The following COL9A1 variants were observed in gnomAD, a reference collection of about 807,000 sequenced individuals.
The protein encoded by COL9A1 is collagen type IX alpha 1 chain, also known as collagen alpha-1(IX) chain.
COL9A1 carries 104 observed loss-of-function variants against 142.6 expected under a neutral mutation model. That is an observed-to-expected ratio of 0.73 (90% CI 0.62 to 0.86). COL9A1 has a LOEUF of 0.86. Ranked by LOEUF, COL9A1 falls within the 40% of genes least tolerant of loss-of-function variation. The pLI is 0.00. For missense variants in COL9A1, 1,210 were observed against 1,176.6 expected (o/e 1.03, Z -0.42); for synonymous variants, 466 against 396.0 (o/e 1.18, Z -2.10).
intron 33 of COL9A1, among the ~76,000 whole-genome samples, chr6:70,236,919 T>G (rs1769946754): frequency 6.6e-6 from 1 of 152,120 alleles, no homozygotes; most frequent in Non-Finnish European, 1.5e-5. Context: ...CCTCCCAGGT[T>G]CAAGCGATTC....
chr6:70,222,290 C>A (rs1768931520), intron 37 of COL9A1, among the ~76,000 whole-genome samples: 1 of 152,132 alleles, frequency 6.6e-6, no homozygotes, highest in Non-Finnish European at 1.5e-5. Context: ...TGCATATATG[C>A]TCTAAATACA....
At chr6:70,235,988 C>T (rs1384231804) in intron 33 of COL9A1, among the ~76,000 whole-genome samples, 1 of 151,652 alleles carries the variant, frequency 6.6e-6, no homozygotes, top group Non-Finnish European at 1.5e-5. Flanking sequence ...TGGTGGATGC[C>T]TGTAGTCCCA....
At chr6:70,221,835 G>C (rs890837473) in intron 37 of COL9A1, among the ~76,000 whole-genome samples, 2 of 152,190 alleles carry the variant, frequency 1.3e-5, no homozygotes, top group African/African-American at 4.8e-5. Context: ...GCAGCAGAGA[G>C]AGTCTTTGAG....
intron 4 of COL9A1, among the ~76,000 whole-genome samples, chr6:70,295,081 A>G (rs980438452): frequency 4.6e-5 from 7 of 152,058 alleles, no homozygotes; most frequent in African/African-American, 1.7e-4. Flanking sequence ...TGGGTATTCC[A>G]CTCCACAATT....
At position 70,303,006 on chromosome 6, in the gene COL9A1, T is replaced by C. The variant is rs1309457030; in HGVS notation, c.-82A>G. ...GGAGTCACTGTCCCCTCACGACCCC[T>C]TCACTGTTACCCTAGGACTATGTGT... On this transcript the variant is annotated 5_prime_UTR_variant, in exon 1 of 38. Transcript: ENST00000357250. 7.1e-7 allele frequency: 1 copy of C among 1,417,232 alleles called. No homozygotes were observed. Among genetic ancestry groups the C allele is most frequent in the Admixed American group, 1.7e-5 (1 of 59,762 alleles). The allele number at this position is 1,417,232 out of a possible 1,614,324, so 87.8% of individuals were successfully genotyped here. A position where few individuals can be genotyped will look rare whatever the true frequency, so the allele number is the denominator to read the frequency against.
intron 28 of COL9A1, among the ~76,000 whole-genome samples, chr6:70,251,079 T>C (rs761995397): frequency 7.2e-5 from 11 of 152,138 alleles, no homozygotes; most frequent in Non-Finnish European, 1.3e-4. Context: ...TGGAAACAAT[T>C]CAAATGTCCA....
chr6:70,299,684 A>C (rs1248284538), intron 4 of COL9A1, among the ~76,000 whole-genome samples: 2 of 152,026 alleles, frequency 1.3e-5, no homozygotes, highest in Non-Finnish European at 2.9e-5. Flanking sequence ...TCTTCTAACC[A>C]CTCTGTGGCT....
In COL9A1 at chr6:70,301,990, A is replaced by G. The variant is rs2127609433; in HGVS notation, c.88+11T>C. ...AGTGATCTTTGAAAGTCTAGAAACT[A>G]TGGCCCTTACTGGGGCGACGCTTGA... On this transcript the variant is annotated intron_variant, in intron 2 of 37. Coordinates refer to ENST00000357250, the MANE Select transcript of COL9A1 (RefSeq NM_001851.6). The G allele has an allele frequency of 6.2e-7, 1 of 1,602,978 alleles. No homozygotes were observed. Among genetic ancestry groups the G allele is most frequent in the Non-Finnish European group, 8.5e-7 (1 of 1,173,004 alleles).
intron 14 of COL9A1, among the ~76,000 whole-genome samples, chr6:70,271,326 T>C (rs959756808): frequency 6.6e-6 from 1 of 152,164 alleles, no homozygotes; most frequent in African/African-American, 2.4e-5. Flanking sequence ...TTTTAGGCTA[T>C]TCACTTTTAT....
intron 4 of COL9A1, among the ~76,000 whole-genome samples, chr6:70,295,246 A>G (rs904554075): frequency 1.8e-4 from 25 of 141,218 alleles, no homozygotes; most frequent in African/African-American, 5.8e-4. Flanking sequence ...AAAGTGACCA[A>G]TTCTTACTTC....
At position 70,242,204 on chromosome 6, in the gene COL9A1, G is replaced by C. The variant is rs142829416; in HGVS notation, c.1927-169C>G. On this transcript the variant is annotated intron_variant, in intron 29 of 37. Coordinates refer to ENST00000357250, the MANE Select transcript of COL9A1 (RefSeq NM_001851.6). ...TCTTTCATATTCTCAGGAGAAGAGG[G>C]CGGGGCCAATGTTCTCCCAGCCTTC... is the stretch of plus-strand genomic sequence containing the variant. 996 of 686,498 alleles carry C rather than the reference G, an allele frequency of 1.5e-3. 9 individuals are homozygous for C. Among genetic ancestry groups the C allele is most frequent in the South Asian group, 9.8e-3 (633 of 64,624 alleles). The allele number at this position is 686,498 out of a possible 1,614,324, so 42.5% of individuals were successfully genotyped here.
At chr6:70,267,319 G>T (rs1346136975) in intron 17 of COL9A1, among the ~76,000 whole-genome samples, 31 of 99,682 alleles carry the variant, frequency 3.1e-4, no homozygotes, top group Non-Finnish European at 5.2e-4. Context: ...TGTTTGTTTG[G>T]TTTTTTTGTT....
At chr6:70,280,740 C>T (rs181957735) in intron 10 of COL9A1, 72 bp downstream of exon 10, 9 of 1,521,496 alleles carry the variant, frequency 5.9e-6, no homozygotes, top group African/African-American at 4.2e-5. Flanking sequence ...CCTCCCCCCC[C>T]ACAAAACACA....
downstream of COL9A1, chr6:70,215,513 C>G (rs1432101585): frequency 6.6e-6 from 1 of 152,148 alleles, no homozygotes; most frequent in Non-Finnish European, 1.5e-5. Context: ...CTCACAGGCT[C>G]TGTGATATAA....
At chr6:70,236,667 T>C (rs1769929560) in intron 33 of COL9A1, among the ~76,000 whole-genome samples, 2 of 152,176 alleles carry the variant, frequency 1.3e-5, no homozygotes, top group African/African-American at 4.8e-5. Context: ...GCAAAAGAAA[T>C]TGATATTCAT....
At chr6:70,271,058 A>G (rs1772368296) in intron 14 of COL9A1, among the ~76,000 whole-genome samples, 1 of 152,226 alleles carries the variant, frequency 6.6e-6, no homozygotes. Context: ...TGTTCACTAA[A>G]TAAATTTGCA....
chr6:70,220,750 G>A (rs1768832702), intron 37 of COL9A1, among the ~76,000 whole-genome samples: 2 of 152,140 alleles, frequency 1.3e-5, no homozygotes, highest in South Asian at 4.1e-4. Context: ...GGCATAAATG[G>A]TTAGCCCAGC....
chr6:70,263,803 T>C (rs957452121), intron 18 of COL9A1, among the ~76,000 whole-genome samples: 1 of 151,946 alleles, frequency 6.6e-6, no homozygotes, highest in Admixed American at 6.6e-5. Flanking sequence ...TTAATGTAAA[T>C]CAGCCATTTC....
At chr6:70,240,638 C>G in intron 32 of COL9A1, 51 bp downstream of exon 32, 1 of 1,306,808 alleles carries the variant, frequency 7.7e-7, no homozygotes, top group East Asian at 2.3e-5. Context: ...ATACTTCTAA[C>G]AGTTCAAAAT....
Sources: allele counts gnomAD v4.1 joint callset (sites outside exome capture counted in the v4.1 genomes callset), GRCh38; gene constraint gnomAD v4.1.1; transcripts MANE v1.5; gene names NCBI Gene and HGNC (gene_info 2026-07-23, HGNC 2026-07-21).